Variants in TRAPPC9 observed in about 807,000 individuals in gnomAD.
The protein encoded by TRAPPC9 is IKK2 binding protein.
A neutral mutation model predicts 124.0 loss-of-function variants in TRAPPC9; 83 were observed. That is an observed-to-expected ratio of 0.67 (90% CI 0.56 to 0.80). The LOEUF is 0.80. Among genes scored for constraint, TRAPPC9 ranks in the 30% least tolerant of loss-of-function variants. TRAPPC9 has a pLI of 0.00. For synonymous variants in TRAPPC9, 638 were observed against 617.5 expected (o/e 1.03, Z -0.49); for missense variants, 1,302 against 1,508.3 (o/e 0.86, Z 2.27).
intron 19 of TRAPPC9, among the ~76,000 whole-genome samples, chr8:139,986,794 C>A (rs763413619): frequency 4.6e-5 from 7 of 152,132 alleles, no homozygotes; most frequent in Non-Finnish European, 1.0e-4. Context: ...TGTGTGTAAC[C>A]CAAAACCCTA....
chr8:139,766,423 T>C (rs538892807), intron 21 of TRAPPC9, among the ~76,000 whole-genome samples: 20 of 152,346 alleles, frequency 1.3e-4, no homozygotes, highest in Admixed American at 6.5e-4. Flanking sequence ...ACCTCAACAG[T>C]TGGCACAGTG....
chr8:139,929,814 C>T (rs888982874), intron 19 of TRAPPC9, among the ~76,000 whole-genome samples: 4 of 152,216 alleles, frequency 2.6e-5, no homozygotes, highest in Non-Finnish European at 4.4e-5. Context: ...CAAGGAAGGC[C>T]CAGCAGAGCA....
At chr8:139,886,029 GA>G in intron 20 of TRAPPC9, 60 bp from the exon 21 acceptor site, 3 of 1,483,512 alleles carry the variant, frequency 2.0e-6, no homozygotes, top group Non-Finnish European at 2.8e-6. Flanking sequence ...AGAACGTCTA[GA>G]AGTCTCTAGA....
At chr8:140,213,908 G>A (rs979229499) in intron 17 of TRAPPC9, among the ~76,000 whole-genome samples, 4 of 152,208 alleles carry the variant, frequency 2.6e-5, no homozygotes, top group South Asian at 2.1e-4. Context: ...AGCACACCAC[G>A]ATAAATGGCT....
intron 15 of TRAPPC9, among the ~76,000 whole-genome samples, chr8:140,264,674 G>C (rs112895713): frequency 3.0e-4 from 45 of 152,126 alleles, no homozygotes; most frequent in African/African-American, 1.1e-3. Context: ...AGGAAATGTA[G>C]ACAAAGGCAC....
intron 17 of TRAPPC9, among the ~76,000 whole-genome samples, chr8:140,124,231 CT>C (rs2061039953): frequency 1.3e-5 from 2 of 152,244 alleles, no homozygotes; most frequent in Non-Finnish European, 2.9e-5. Flanking sequence ...GTCTCCAGGG[CT>C]GCGTTCCTGG....
intron 19 of TRAPPC9, among the ~76,000 whole-genome samples, chr8:139,936,770 G>T (rs564145736): frequency 6.7e-6 from 1 of 148,638 alleles, no homozygotes; most frequent in Non-Finnish European, 1.5e-5. Context: ...CTGCAGTGTG[G>T]TATAAAGCAT....
intron 21 of TRAPPC9, among the ~76,000 whole-genome samples, chr8:139,853,514 T>C (rs2130942412): frequency 6.6e-6 from 1 of 152,284 alleles, no homozygotes; most frequent in Admixed American, 6.5e-5. Context: ...ACAAGTCAGG[T>C]GTTCAAGAAA....
intron 21 of TRAPPC9, among the ~76,000 whole-genome samples, chr8:139,856,952 G>A (rs1219227331): frequency 2.0e-5 from 3 of 152,108 alleles, no homozygotes; most frequent in Admixed American, 6.5e-5. Flanking sequence ...GAGATGACTC[G>A]GGCACACACC....
At position 139,728,747 on chromosome 8, in the gene TRAPPC9, CAGG is replaced by C. The variant is rs1316661203; in HGVS notation, c.*2311_*2313del. ...GCCAGGCTGTATTTGGGTCATTTTCCAGGAGGCCTGGGTTATTTCTAACACCCC... is the reference window on the plus strand; with the variant it reads ...GCCAGGCTGTATTTGGGTCATTTTCCAGGCCTGGGTTATTTCTAACACCCC... On this transcript the variant is annotated 3_prime_UTR_variant, in exon 23 of 23. Transcript: ENST00000438773. 1.3e-5 allele frequency among the ~76,000 whole-genome samples: 2 copies of C among 152,164 alleles called. No homozygotes were observed. Among genetic ancestry groups the C allele is most frequent in the Non-Finnish European group, 2.9e-5 (2 of 68,032 alleles).
chr8:140,328,104 A>C (rs1474910678), intron 9 of TRAPPC9, among the ~76,000 whole-genome samples: 1 of 152,016 alleles, frequency 6.6e-6, no homozygotes, highest in East Asian at 1.9e-4. Flanking sequence ...AAAATACAAA[A>C]ATTAGCTGGG....
intron 19 of TRAPPC9, among the ~76,000 whole-genome samples, chr8:139,926,098 C>A (rs1189408578): frequency 6.6e-6 from 1 of 152,232 alleles, no homozygotes; most frequent in Admixed American, 6.5e-5. Context: ...AGTATTTGCA[C>A]TACAAAAATC....
intron 8 of TRAPPC9, among the ~76,000 whole-genome samples, chr8:140,364,945 G>A (rs2068066510): frequency 6.6e-6 from 1 of 150,814 alleles, no homozygotes; most frequent in African/African-American, 2.4e-5. Flanking sequence ...AATTAACTGT[G>A]TGACTAGGGC....
At position 140,450,845 on chromosome 8, in the gene TRAPPC9, G is replaced by A; in HGVS notation, c.529C>T (p.Leu177Phe). ...ATDKSGDKIP[L>F]LCVPFEKKDF... The stretch of plus-strand genomic sequence containing the variant: ...TTTTTCTCAAACGGGACACAGAGAA[G>A]GGGGATCTTATCCCCAGACTTGTCT... The change falls in exon 2 of 23, where the codon CTT (leucine) becomes TTT (phenylalanine). Residue 177 changes from leucine to phenylalanine, a missense_variant. By Grantham distance (22) the Leu-to-Phe change is conservative. Transcript: ENST00000438773. The A allele has an allele frequency of 1.9e-6, 3 of 1,613,712 alleles. No homozygotes were observed. Among genetic ancestry groups the A allele is most frequent in the Non-Finnish European group, 1.7e-6 (2 of 1,179,866 alleles).
chr8:139,808,460 C>T (rs1304049568), intron 21 of TRAPPC9, among the ~76,000 whole-genome samples: 5 of 152,042 alleles, frequency 3.3e-5, no homozygotes, highest in Non-Finnish European at 5.9e-5. Flanking sequence ...GACTCCATTT[C>T]AAAAAAATAA....
At chr8:140,270,717 G>T (rs1008153057) in intron 15 of TRAPPC9, among the ~76,000 whole-genome samples, 5 of 152,206 alleles carry the variant, frequency 3.3e-5, no homozygotes, top group African/African-American at 1.2e-4. Context: ...AGGCAGGAGG[G>T]GTGGGAGAAG....
At chr8:140,056,241 T>G (rs1188461431) in intron 17 of TRAPPC9, among the ~76,000 whole-genome samples, 1 of 148,710 alleles carries the variant, frequency 6.7e-6, no homozygotes, top group Admixed American at 6.6e-5. Context: ...AGGCCCCATC[T>G]CTACAGAAAG....
At chr8:139,823,863 T>C (rs1271881274) in intron 21 of TRAPPC9, among the ~76,000 whole-genome samples, 3 of 152,134 alleles carry the variant, frequency 2.0e-5, no homozygotes, top group Non-Finnish European at 4.4e-5. Context: ...CATGATGGTG[T>C]TCAAGCCCAC....
At position 140,287,793 on chromosome 8, in the gene TRAPPC9, C is replaced by T. The variant is rs186024485; in HGVS notation, c.1855-59G>A. On this transcript the variant is annotated intron_variant, in intron 12 of 22. Coordinates refer to ENST00000438773, the MANE Select transcript of TRAPPC9 (RefSeq NM_001160372.4). The stretch of plus-strand genomic sequence containing the variant: ...GCAAACCTACTGTGTGTGCTCAGTT[C>T]CAAATGAGCCTTAAGACATTGGCTA... 4.8e-5 allele frequency: 78 copies of T among 1,610,130 alleles called. No individual in the cohort carries two copies. The East Asian group carries it at 1.7e-3, about 35-fold the overall frequency.
Sources: allele counts gnomAD v4.1 joint callset (sites outside exome capture counted in the v4.1 genomes callset), GRCh38; gene constraint gnomAD v4.1.1; transcripts MANE v1.5; gene names NCBI Gene and HGNC (gene_info 2026-07-23, HGNC 2026-07-21).